FNIP1: variants seen among roughly 807,000 people sequenced by gnomAD.
The protein encoded by FNIP1 is folliculin interacting protein 1.
Under a neutral mutation model 124.5 loss-of-function variants are expected in FNIP1, and 40 were observed. The ratio of observed to expected loss-of-function variants is 0.32; its 90% confidence interval spans 0.25 to 0.42. The LOEUF (loss-of-function observed/expected upper bound fraction) is 0.42. Among genes scored for constraint, FNIP1 ranks in the 10% least tolerant of loss-of-function variants. The pLI is 1.00. For missense variants in FNIP1, 1,176 were observed against 1,403.7 expected (o/e 0.84, Z 2.59); for synonymous variants, 472 against 470.6 (o/e 1.00, Z -0.04).
intron 1 of FNIP1, among the ~76,000 whole-genome samples, chr5:131,759,252 G>A (rs1310889013): frequency 1.3e-5 from 2 of 151,996 alleles, no homozygotes; most frequent in Admixed American, 6.6e-5. Flanking sequence ...TTGACAAGTG[G>A]GACCTAATTA....
At chr5:131,710,417 T>C (rs1439521196) in intron 7 of FNIP1, among the ~76,000 whole-genome samples, 161 bp downstream of exon 7, 1 of 152,228 alleles carries the variant, frequency 6.6e-6, no homozygotes, top group African/African-American at 2.4e-5. Context: ...AAGAACATGT[T>C]CAGTAGAAAA....
At chr5:131,777,599 A>C (rs958437509) in intron 1 of FNIP1, among the ~76,000 whole-genome samples, 8 of 152,242 alleles carry the variant, frequency 5.3e-5, no homozygotes, top group Non-Finnish European at 2.9e-5. Flanking sequence ...ATATCAACCA[A>C]AAAAAGTTCA....
rs373701739 is a variant in FNIP1, at chr5:131,677,695, T to C, written c.1519+8A>G. 1.9e-6 allele frequency: 3 copies of C among 1,610,342 alleles called. No homozygotes were observed. The highest frequency in any genetic ancestry group is 2.7e-5 in the African/African-American group (2 of 74,836). On this transcript the variant is annotated splice_region_variant and intron_variant, in intron 13 of 17. Transcript: ENST00000510461. ...AATACATAGTGTAACAGTTGTCAGATTACATACCCAGTTGTGCCCAAAGTG... is the reference window on the plus strand; with the variant it reads ...AATACATAGTGTAACAGTTGTCAGACTACATACCCAGTTGTGCCCAAAGTG...
In FNIP1 at chr5:131,642,124, GGTTT is replaced by G. The variant is rs1299767511; in HGVS notation, c.*2557_*2560del. On this transcript the variant is annotated 3_prime_UTR_variant, in exon 18 of 18. Transcript: ENST00000510461. ...TTTTTATTTCCTGTTTCAATAAACA[GGTTT>G]TTTTTGATATGTAACAACTGTCTGT... 3 of 152,550 alleles carry G rather than the reference GGTTT, an allele frequency of 2.0e-5. No homozygotes were observed. The highest frequency in any genetic ancestry group is 1.3e-4 in the Admixed American group (2 of 15,260). 9.4% of individuals were successfully genotyped at this position (152,550 alleles called of 1,614,324 possible). A position where few individuals can be genotyped will look rare whatever the true frequency, so the allele number is the denominator to read the frequency against.
chr5:131,765,972 C>G (rs1259439432), intron 1 of FNIP1, among the ~76,000 whole-genome samples: 1 of 152,148 alleles, frequency 6.6e-6, no homozygotes, highest in Admixed American at 6.5e-5. Context: ...AACATTCTTT[C>G]TTGCATACTA....
chr5:131,669,866 T>C (rs1215428292), intron 15 of FNIP1, among the ~76,000 whole-genome samples: 1 of 150,232 alleles, frequency 6.7e-6, no homozygotes, highest in African/African-American at 2.4e-5. Context: ...ATGTCCATGG[T>C]CACCACTTCC....
intron 1 of FNIP1, among the ~76,000 whole-genome samples, chr5:131,783,250 T>C (rs9327621): frequency 0.64 from 96,617 of 151,894 alleles, 32,762 homozygotes; most frequent in Non-Finnish European, 0.77. Context: ...ACCAGACTCA[T>C]GGTCATTAGG....
intron 2 of FNIP1, among the ~76,000 whole-genome samples, chr5:131,732,626 G>A (rs1047009859): frequency 6.6e-6 from 1 of 152,318 alleles, no homozygotes; most frequent in African/African-American, 2.4e-5. Flanking sequence ...GTTTGTCAAA[G>A]ATCAGATAGT....
chr5:131,680,498 G>A (rs975488225), intron 11 of FNIP1, among the ~76,000 whole-genome samples: 1 of 152,206 alleles, frequency 6.6e-6, no homozygotes, highest in African/African-American at 2.4e-5. Context: ...TGTTTTTAAA[G>A]CTTATTACAG....
At chr5:131,724,901 T>C (rs939991933) in intron 3 of FNIP1, among the ~76,000 whole-genome samples, 2 of 152,210 alleles carry the variant, frequency 1.3e-5, no homozygotes, top group Non-Finnish European at 2.9e-5. Flanking sequence ...AGGAATCCAG[T>C]TTCAGTTTTC....
intron 1 of FNIP1, among the ~76,000 whole-genome samples, chr5:131,763,497 G>C (rs1771307968): frequency 1.3e-5 from 2 of 152,134 alleles, no homozygotes; most frequent in Non-Finnish European, 2.9e-5. Context: ...TCAGCTTCTG[G>C]GGAAGCCTCA....
At chr5:131,679,768 G>A (rs913652489) in intron 11 of FNIP1, among the ~76,000 whole-genome samples, 3 of 152,168 alleles carry the variant, frequency 2.0e-5, no homozygotes, top group Non-Finnish European at 2.9e-5. Context: ...CACACAATTA[G>A]CACAGTGCTT....
At chr5:131,762,235 A>G (rs1033181918) in intron 1 of FNIP1, among the ~76,000 whole-genome samples, 5 of 152,176 alleles carry the variant, frequency 3.3e-5, no homozygotes, top group African/African-American at 1.2e-4. Context: ...TAAAGTGAAA[A>G]CAGACAAATG....
intron 11 of FNIP1, among the ~76,000 whole-genome samples, chr5:131,697,013 A>C (rs1768719393): frequency 6.6e-6 from 1 of 152,110 alleles, no homozygotes; most frequent in African/African-American, 2.4e-5. Flanking sequence ...AAAATGTTTT[A>C]TATATTTTAA....
At chr5:131,787,215 G>A (rs140967442) in intron 1 of FNIP1, among the ~76,000 whole-genome samples, 133 of 152,282 alleles carry the variant, frequency 8.7e-4, no homozygotes, top group Middle Eastern at 6.8e-3. Flanking sequence ...AAACAGCACC[G>A]AGTTTAGGAC....
chr5:131,725,246 T>C (rs769871248), intron 3 of FNIP1, among the ~76,000 whole-genome samples: 1 of 152,214 alleles, frequency 6.6e-6, no homozygotes, highest in African/African-American at 2.4e-5. Context: ...AGAAAATCAA[T>C]GGTAGATTGA....
rs774327730 is a variant in FNIP1, at chr5:131,719,410, C to T, written c.362G>A (p.Arg121Gln). Residue 121 changes from arginine (R) to glutamine (Q), a missense_variant, in exon 4 of 18, where the codon CGG becomes CAG. Coordinates refer to ENST00000510461, the MANE Select transcript of FNIP1 (RefSeq NM_133372.3). Reference sequence around the variant, plus strand: ...AAGCATATTGGCATCAGAAGAGCACCGAGAACCCTAAACAATAACCACATA... The same window carrying T: ...AAGCATATTGGCATCAGAAGAGCACTGAGAACCCTAAACAATAACCACATA... ...KDQCLKYQGS[R>Q]CSSDANMLGE... 5.6e-6 allele frequency: 9 copies of T among 1,609,982 alleles called. No individual in the cohort carries two copies. Among genetic ancestry groups the T allele is most frequent in the East Asian group, 4.5e-5 (2 of 44,828 alleles).
In FNIP1 at chr5:131,730,948, C is replaced by G. The variant is rs771852062; in HGVS notation, c.310G>C (p.Val104Leu). ...GDSSSSLDSS[V>L]TSSSDIKDQC... is the part of the protein sequence containing the mutation. ...TCTTTTATATCAGAAGATGAAGTCA[C>G]AGAACTATCTAAAGAGGAAGAACTG... is the stretch of plus-strand genomic sequence containing the variant. Residue 104 changes from valine (V) to leucine (L), a missense_variant, in exon 3 of 18, where the codon GTG becomes CTG. Val to Leu is a conservative substitution (Grantham distance 32). Coordinates refer to ENST00000510461, the MANE Select transcript of FNIP1 (RefSeq NM_133372.3). 3.7e-6 allele frequency: 6 copies of G among 1,612,118 alleles called. No homozygotes were observed. The highest frequency in any genetic ancestry group is 5.1e-6 in the Non-Finnish European group (6 of 1,179,066).
intron 10 of FNIP1, among the ~76,000 whole-genome samples, chr5:131,701,072 A>T (rs1286083944): frequency 6.6e-6 from 1 of 152,190 alleles, no homozygotes; most frequent in Non-Finnish European, 1.5e-5. Context: ...GTGAGCGAGC[A>T]TTACTGCCTG....
Sources: allele counts gnomAD v4.1 joint callset (sites outside exome capture counted in the v4.1 genomes callset), GRCh38; gene constraint gnomAD v4.1.1; transcripts MANE v1.5; gene names NCBI Gene and HGNC (gene_info 2026-07-23, HGNC 2026-07-21).